The following ACACB variants were observed in gnomAD, a reference collection of about 807,000 sequenced individuals.
ACACB encodes the protein acetyl-CoA carboxylase 2.
Under a neutral mutation model 278.8 loss-of-function variants are expected in ACACB, and 209 were observed. That is an observed-to-expected ratio of 0.75 (90% CI 0.67 to 0.84). The LOEUF (loss-of-function observed/expected upper bound fraction) is 0.84, where lower values mean the gene tolerates loss of function less well. ACACB is among the 40% of genes least tolerant of loss of function. ACACB has a pLI of 0.00. For missense variants in ACACB, 2,850 were observed against 3,269.0 expected, an observed-to-expected ratio of 0.87 and a Z score of 3.13; for synonymous variants, 1,174 against 1,285.6, an observed-to-expected ratio of 0.91 and a Z score of 1.86.
rs771184359 is a variant in ACACB, at chr12:109,188,169, A to ATCTC, written c.2144+8_2144+11dup. ...ACCGGGAAGAGGCCATTTCGTCAGT[A>ATCTC]TCTCCTTCCTTCCTTCCTTCCTTCC... On this transcript the variant is annotated splice_region_variant and intron_variant, in intron 13 of 52. Transcript: ENST00000338432. The ATCTC allele has an allele frequency of 1.5e-6, 2 of 1,363,782 alleles. No individual in the cohort carries two copies. The highest frequency in any genetic ancestry group is 2.4e-5 in the South Asian group (2 of 84,520). 84.5% of individuals were successfully genotyped at this position (1,363,782 alleles called of 1,614,324 possible).
At chr12:109,216,267 G>C (rs1231384422) in intron 22 of ACACB, among the ~76,000 whole-genome samples, 1 of 147,558 alleles carries the variant, frequency 6.8e-6, no homozygotes, top group Non-Finnish European at 1.5e-5. Flanking sequence ...TGTCGCCCAG[G>C]CTGGAGTGCA....
intron 2 of ACACB, among the ~76,000 whole-genome samples, chr12:109,159,390 T>C (rs1213197390): frequency 1.3e-5 from 2 of 151,944 alleles, no homozygotes; most frequent in African/African-American, 4.8e-5. Flanking sequence ...CCTAGCCTAA[T>C]GGCCCAGCCT....
intron 2 of ACACB, among the ~76,000 whole-genome samples, chr12:109,151,789 C>A (rs2136079996): frequency 6.6e-6 from 1 of 152,298 alleles, no homozygotes; most frequent in Admixed American, 6.5e-5. Context: ...GCAACTACCA[C>A]CATGCTTGAA....
chr12:109,241,034 G>T, intron 35 of ACACB, 44 bp from the exon 36 acceptor site: 1 of 1,593,962 alleles, frequency 6.3e-7, no homozygotes, highest in South Asian at 1.1e-5. Flanking sequence ...AATGTCCTTG[G>T]GATGTCTTGG....
At chr12:109,263,836 C>T (rs2047442601) in intron 49 of ACACB, 1 of 159,048 alleles carries the variant, frequency 6.3e-6, no homozygotes, top group Non-Finnish European at 1.4e-5. Context: ...ATTCCCTTAT[C>T]ATATTTTACA....
At chr12:109,122,197 A>T (rs2042564020) in intron 1 of ACACB, among the ~76,000 whole-genome samples, 1 of 152,208 alleles carries the variant, frequency 6.6e-6, no homozygotes, top group Admixed American at 6.5e-5. Flanking sequence ...TTATCTGCTT[A>T]CTACCCGGGT....
chr12:109,112,224 T>C (rs952693583), upstream of ACACB, among the ~76,000 whole-genome samples: 2 of 149,010 alleles, frequency 1.3e-5, no homozygotes, highest in African/African-American at 4.9e-5. Flanking sequence ...GTATATTGAA[T>C]ATATATGTAT....
intron 1 of ACACB, among the ~76,000 whole-genome samples, chr12:109,118,110 A>T (rs747322441): frequency 7.9e-5 from 12 of 152,150 alleles, no homozygotes; most frequent in Non-Finnish European, 1.6e-4. Flanking sequence ...TCTTTACAAG[A>T]TTTCTTTTTA....
Position 109,188,223 on chromosome 12 carries a change from T to TTCCTTCCTTCCC in ACACB, c.2144+64_2144+75dup. 4 of 1,200,776 alleles carry TTCCTTCCTTCCC rather than the reference T, an allele frequency of 3.3e-6. No individual in the cohort carries two copies. In the South Asian group the frequency reaches 4.4e-5, roughly 13 times the overall value. 74.4% of individuals were successfully genotyped at this position (1,200,776 alleles called of 1,614,324 possible). ...CTTCCTTCCTTCCTTCCTTCCTTCCTTCCTTCCTTCCCTCTCTCCCTTCTT... is the reference window on the plus strand; with the variant it reads ...CTTCCTTCCTTCCTTCCTTCCTTCCTTCCTTCCTTCCCTCCTTCCTTCCCTCTCTCCCTTCTT... On this transcript the variant is annotated intron_variant, in intron 13 of 52. Transcript: ENST00000338432.
Position 109,266,422 on chromosome 12 carries a change from C to G in ACACB, c.*60C>G. On this transcript the variant is annotated 3_prime_UTR_variant, in exon 53 of 53. Coordinates refer to ENST00000338432, the MANE Select transcript of ACACB (RefSeq NM_001093.4). ...AAAAGGAACCACCCAGACCCACCAC[C>G]CGTACACCCTCAGCAGACCCTGAAG... 1.3e-6 allele frequency: 2 copies of G among 1,514,710 alleles called. No homozygotes were observed. Among genetic ancestry groups the G allele is most frequent in the South Asian group, 2.6e-5 (2 of 78,338 alleles). The allele number at this position is 1,514,710 out of a possible 1,614,324, so 93.8% of individuals were successfully genotyped here. A position where few individuals can be genotyped will look rare whatever the true frequency, so the allele number is the denominator to read the frequency against.
chr12:109,216,873 T>G lies in ACACB; in HGVS notation c.3517T>G (p.Ser1173Ala), dbSNP rs1005596879. 5.0e-6 allele frequency: 8 copies of G among 1,614,020 alleles called. No homozygotes were observed. The East Asian group carries it at 1.8e-4, about 36-fold the overall frequency. The change falls in exon 24 of 53, where the codon TCC becomes GCC. Residue 1173 changes from serine to alanine, a missense_variant. Physicochemically the swap from Ser to Ala is moderately conservative, Grantham distance 99. This residue lies in a region of ACACB where 2,265 missense variants were observed against 2,561.3 expected (regional missense o/e 0.88). Coordinates refer to ENST00000338432, the MANE Select transcript of ACACB (RefSeq NM_001093.4). ...DMSQVLDCIF[S>A]HAQVAKKNQL... ...GTCCCAGGTGCTGGACTGCATCTTCTCCCACGCACAGGTGGCCAAGAAGAA... is the reference window on the plus strand; with the variant it reads ...GTCCCAGGTGCTGGACTGCATCTTCGCCCACGCACAGGTGGCCAAGAAGAA...
intron 19 of ACACB, 138 bp downstream of exon 19, chr12:109,201,839 C>G: frequency 8.3e-7 from 1 of 1,201,424 alleles, no homozygotes; most frequent in Non-Finnish European, 1.1e-6. Context: ...TCGCAGCAGC[C>G]ACCGTGATGG....
At chr12:109,221,276 C>G (rs1225659084) in intron 24 of ACACB, among the ~76,000 whole-genome samples, 2 of 152,082 alleles carry the variant, frequency 1.3e-5, no homozygotes, top group African/African-American at 4.8e-5. Context: ...AAAAAAATGC[C>G]CCACAGCTCT....
Position 109,175,308 on chromosome 12 carries a change from A to C in ACACB, c.1217-623A>C, listed in dbSNP as rs576642028. On this transcript the variant is annotated intron_variant, in intron 7 of 52. Coordinates refer to ENST00000338432, the MANE Select transcript of ACACB (RefSeq NM_001093.4). ...TGTTAAATCTTTGCATGGTGTTGGG[A>C]AATAATTATTCACATATAAATGACT... Among the ~76,000 whole-genome samples the C allele has an allele frequency of 2.6e-5, 4 of 152,216 alleles. No individual in the cohort carries two copies. In the South Asian group the frequency reaches 8.3e-4, roughly 32 times the overall value.
In ACACB at chr12:109,187,984, C is replaced by CT; in HGVS notation, c.1981-14dup. The CT allele has an allele frequency of 6.3e-7, 1 of 1,578,264 alleles. No individual in the cohort carries two copies. The highest frequency in any genetic ancestry group is 8.7e-7 in the Non-Finnish European group (1 of 1,154,170). On this transcript the variant is annotated splice_polypyrimidine_tract_variant and intron_variant, in intron 12 of 52. Transcript: ENST00000338432. ...AATGATTTCTTCCATTTTGCATTTT[C>CT]TGTCCGGACTCCAGGGTTTTAAGCC...
rs552009612 is a variant in ACACB at position 109,204,571 on chromosome 12, A to G, written c.2914-2139A>G. On this transcript the variant is annotated intron_variant, in intron 19 of 52. Coordinates refer to ENST00000338432, the MANE Select transcript of ACACB (RefSeq NM_001093.4). ...ATTACAGGTGTGAGCCACCATGTCC[A>G]GCCTCAATACTAGATCTTATTCATT... is the stretch of plus-strand genomic sequence containing the variant. Among the ~76,000 whole-genome samples, 21 of 151,894 alleles carry G rather than the reference A, an allele frequency of 1.4e-4. No homozygotes were observed. The East Asian group carries it at 4.1e-3, about 30-fold the overall frequency.
chr12:109,133,252 C>G (rs1355113104), intron 1 of ACACB, among the ~76,000 whole-genome samples: 1 of 152,010 alleles, frequency 6.6e-6, no homozygotes, highest in Non-Finnish European at 1.5e-5. Context: ...CTCTCTCTCT[C>G]TCTCTCTCTC....
At chr12:109,116,041 A>C (rs2042397193), upstream of ACACB, among the ~76,000 whole-genome samples, 2 of 152,184 alleles carry the variant, frequency 1.3e-5, no homozygotes, top group Admixed American at 1.3e-4. Context: ...GCGTGTGCTG[A>C]ATTTCCTCTT....
At chr12:109,142,913 A>G (rs951837828) in intron 2 of ACACB, among the ~76,000 whole-genome samples, 2 of 152,254 alleles carry the variant, frequency 1.3e-5, no homozygotes, top group Non-Finnish European at 2.9e-5. Flanking sequence ...ATGTTGAGTG[A>G]ATTTCCTGCC....
Sources: gnomAD v4.1 joint callset for allele counts (sites outside exome capture counted in the v4.1 genomes callset) on GRCh38, gnomAD v4.1.1 for gene constraint, gnomAD v4.1.1 regional missense constraint, MANE v1.5 for transcripts, NCBI Gene and HGNC (gene_info 2026-07-23, HGNC 2026-07-21) for gene names.